Variants in NRXN1 observed in about 807,000 individuals in gnomAD.
The protein encoded by NRXN1 is neurexin 1.
NRXN1 carries 39 observed loss-of-function variants against 150.9 expected under a neutral mutation model. The observed-to-expected ratio is 0.26, with a 90% CI of 0.20 to 0.34. NRXN1 has a LOEUF of 0.34. NRXN1 is among the 10% of genes least tolerant of loss of function. The probability of loss-of-function intolerance (pLI) is 1.00; values close to 1 mark genes in which losing one functional copy is unlikely to be tolerated. For missense variants in NRXN1, 1,815 were observed against 1,949.9 expected, an observed-to-expected ratio of 0.93 and a Z score of 1.30; for synonymous variants, 924 against 757.0, an observed-to-expected ratio of 1.22 and a Z score of -3.62.
chr2:50,714,966 T>C (rs1250189268), intron 5 of NRXN1, among the ~76,000 whole-genome samples: 2 of 152,266 alleles, frequency 1.3e-5, no homozygotes, highest in Middle Eastern at 3.4e-3. Context: ...TTAATTATAA[T>C]GTTATGATGA....
intron 13 of NRXN1, among the ~76,000 whole-genome samples, chr2:50,504,605 T>C (rs2092127368): frequency 6.8e-6 from 1 of 146,278 alleles, no homozygotes; most frequent in Non-Finnish European, 1.5e-5. Flanking sequence ...CATTCTTTTG[T>C]TTTCATCCTG....
chr2:50,117,491 G>C (rs1703226281), intron 18 of NRXN1, among the ~76,000 whole-genome samples: 1 of 152,072 alleles, frequency 6.6e-6, no homozygotes, highest in South Asian at 2.1e-4. Flanking sequence ...ATATATTTGA[G>C]CCTGAAAGGT....
chr2:49,971,847 A>G (rs1678013559), intron 21 of NRXN1, among the ~76,000 whole-genome samples: 1 of 152,154 alleles, frequency 6.6e-6, no homozygotes, highest in South Asian at 2.1e-4. Flanking sequence ...AAGGTACCAA[A>G]AGTAAAAATT....
intron 2 of NRXN1, among the ~76,000 whole-genome samples, chr2:50,931,792 G>C (rs1475440371): frequency 6.6e-6 from 1 of 152,006 alleles, no homozygotes; most frequent in African/African-American, 2.4e-5. Flanking sequence ...AAAAGGAATA[G>C]GCCATTCTTA....
At chr2:50,935,408 G>T (rs1239486448) in intron 2 of NRXN1, among the ~76,000 whole-genome samples, 2 of 152,028 alleles carry the variant, frequency 1.3e-5, no homozygotes, top group African/African-American at 4.8e-5. Context: ...CAATGAGAAG[G>T]CAAATAAAAA....
chr2:50,774,974 T>C (rs191836963), intron 5 of NRXN1, among the ~76,000 whole-genome samples: 34 of 152,300 alleles, frequency 2.2e-4, no homozygotes, highest in African/African-American at 7.0e-4. Context: ...TGATTACATA[T>C]ATTATTTTTC....
intron 21 of NRXN1, among the ~76,000 whole-genome samples, chr2:50,033,037 T>C (rs891726533): frequency 6.6e-6 from 1 of 151,650 alleles, no homozygotes; most frequent in Admixed American, 6.6e-5. Flanking sequence ...TACACACATA[T>C]ATATATAATC....
chr2:50,336,428 C>T (rs1254960129), intron 17 of NRXN1, among the ~76,000 whole-genome samples: 1 of 152,142 alleles, frequency 6.6e-6, no homozygotes. Flanking sequence ...ATCTTCAAGG[C>T]TTCATAATTA....
intron 2 of NRXN1, among the ~76,000 whole-genome samples, chr2:51,023,612 A>ATGTG: frequency 6.6e-6 from 1 of 152,182 alleles, no homozygotes; most frequent in East Asian, 1.9e-4. Flanking sequence ...TACATACCAC[A>ATGTG]GTTTTAAGCT....
intron 17 of NRXN1, among the ~76,000 whole-genome samples, chr2:50,357,812 T>C (rs942658936): frequency 6.6e-6 from 1 of 152,218 alleles, no homozygotes; most frequent in African/African-American, 2.4e-5. Flanking sequence ...GGAACAGCTC[T>C]GGTCTGCAGC....
At chr2:50,020,816 A>G (rs759053541) in intron 21 of NRXN1, among the ~76,000 whole-genome samples, 2 of 152,182 alleles carry the variant, frequency 1.3e-5, no homozygotes, top group Non-Finnish European at 2.9e-5. Context: ...GTATAATTAC[A>G]GTAGTAAAAA....
At chr2:50,070,482 G>C (rs1696085183) in intron 19 of NRXN1, among the ~76,000 whole-genome samples, 1 of 152,010 alleles carries the variant, frequency 6.6e-6, no homozygotes, top group African/African-American at 2.4e-5. Context: ...TTAAAAACCT[G>C]TAAGTGGGCC....
At chr2:50,001,104 G>A (rs1683843578) in intron 21 of NRXN1, among the ~76,000 whole-genome samples, 1 of 152,170 alleles carries the variant, frequency 6.6e-6, no homozygotes, top group African/African-American at 2.4e-5. Context: ...ATTGTAGTCA[G>A]TGGCTTTAGC....
intron 21 of NRXN1, among the ~76,000 whole-genome samples, chr2:50,047,802 G>A (rs1244035809): frequency 2.6e-5 from 4 of 151,792 alleles, no homozygotes; most frequent in Admixed American, 6.6e-5. Context: ...CATAAGTTCG[G>A]TGCAGAAAAG....
chr2:50,628,984 A>T (rs1425149418), intron 5 of NRXN1, among the ~76,000 whole-genome samples: 2 of 151,710 alleles, frequency 1.3e-5, no homozygotes, highest in Admixed American at 1.3e-4. Flanking sequence ...AATACAAAAA[A>T]ATCCAGTGTC....
chr2:49,929,260 C>T (rs1669697753), intron 22 of NRXN1, among the ~76,000 whole-genome samples: 1 of 152,182 alleles, frequency 6.6e-6, no homozygotes, highest in African/African-American at 2.4e-5. Context: ...GATGTCCACA[C>T]TCTGTATGAC....
At chr2:50,223,145 T>C (rs185508102) in intron 18 of NRXN1, among the ~76,000 whole-genome samples, 39 of 151,978 alleles carry the variant, frequency 2.6e-4, no homozygotes, top group Admixed American at 1.8e-3. Context: ...GTCTATTGAA[T>C]CTAGTTTATG....
At chr2:50,468,387 G>C (rs1208616665) in intron 16 of NRXN1, among the ~76,000 whole-genome samples, 2 of 151,454 alleles carry the variant, frequency 1.3e-5, no homozygotes, top group African/African-American at 4.8e-5. Context: ...GGAATTACAA[G>C]ACAATGCATG....
chr2:50,063,695 A>C (rs1694925009), intron 19 of NRXN1, among the ~76,000 whole-genome samples: 1 of 152,120 alleles, frequency 6.6e-6, no homozygotes, highest in South Asian at 2.1e-4. Flanking sequence ...TACTTAATGA[A>C]TTCTTCCACT....
Sources: allele counts gnomAD v4.1 joint callset (sites outside exome capture counted in the v4.1 genomes callset), GRCh38; gene constraint gnomAD v4.1.1; transcripts MANE v1.5; gene names NCBI Gene and HGNC (gene_info 2026-07-23, HGNC 2026-07-21).